The following KHDRBS2 variants were observed in gnomAD, a reference collection of about 807,000 sequenced individuals.
The protein encoded by KHDRBS2 is KH RNA binding domain containing, signal transduction associated 2, also known as KH domain-containing, RNA-binding, signal transduction-associated protein 2.
In KHDRBS2, 26 loss-of-function variants were observed where a neutral mutation model predicts 44.3. That is an observed-to-expected ratio of 0.59 (90% CI 0.43 to 0.81). KHDRBS2 has a LOEUF of 0.81. Ranked by LOEUF, KHDRBS2 falls within the 40% of genes least tolerant of loss-of-function variation. The pLI, the probability that KHDRBS2 is intolerant of heterozygous loss-of-function variation, is 0.00. For synonymous variants in KHDRBS2, 194 were observed against 151.1 expected, an observed-to-expected ratio of 1.28 and a Z score of -2.08; for missense variants, 476 against 433.1, an observed-to-expected ratio of 1.10 and a Z score of -0.88.
chr6:61,719,913 T>G (rs1052405317), intron 7 of KHDRBS2, among the ~76,000 whole-genome samples: 3 of 152,140 alleles, frequency 2.0e-5, no homozygotes, highest in African/African-American at 7.2e-5. Flanking sequence ...CATCTCCCAG[T>G]GCTATGCCTC....
intron 4 of KHDRBS2, among the ~76,000 whole-genome samples, chr6:61,939,608 TGAA>T (rs1190994211): frequency 4.6e-5 from 7 of 152,194 alleles, no homozygotes; most frequent in Admixed American, 2.0e-4. Flanking sequence ...GGAACTTGGA[TGAA>T]GAAGAAGTGG....
At chr6:62,044,769 A>G (rs1275316499) in intron 3 of KHDRBS2, among the ~76,000 whole-genome samples, 3 of 152,048 alleles carry the variant, frequency 2.0e-5, no homozygotes, top group African/African-American at 7.2e-5. Context: ...TGCATGTTGA[A>G]CTTCTTAATA....
chr6:61,793,637 G>C (rs998598384), intron 6 of KHDRBS2, among the ~76,000 whole-genome samples: 1 of 151,846 alleles, frequency 6.6e-6, no homozygotes, highest in African/African-American at 2.4e-5. Flanking sequence ...GGGAGTCTAT[G>C]GGGGTATGTT....
At chr6:61,964,731 A>C (rs1280053107) in intron 4 of KHDRBS2, among the ~76,000 whole-genome samples, 1 of 152,096 alleles carries the variant, frequency 6.6e-6, no homozygotes, top group Non-Finnish European at 1.5e-5. Context: ...CTAGATTTCA[A>C]GTGATTCTGA....
At chr6:61,562,501 T>C in the KHDRBS2 span, among the ~76,000 whole-genome samples, 1 of 152,192 alleles carries the variant, frequency 6.6e-6, no homozygotes, top group African/African-American at 2.4e-5. Context: ...CCCCTTTTTC[T>C]TAGAGTTTTT....
At chr6:61,906,708 G>A (rs562521713) in intron 4 of KHDRBS2, among the ~76,000 whole-genome samples, 24 of 151,942 alleles carry the variant, frequency 1.6e-4, no homozygotes, top group Admixed American at 4.6e-4. Context: ...TTCCATCTAC[G>A]TTGTTGCAAA....
At chr6:61,857,732 A>G (rs1244350105) in intron 6 of KHDRBS2, among the ~76,000 whole-genome samples, 2 of 151,910 alleles carry the variant, frequency 1.3e-5, no homozygotes, top group African/African-American at 2.4e-5. Flanking sequence ...CATAAACCTC[A>G]AGCAGGGCAA....
At chr6:62,124,727 G>T (rs1042207701) in intron 2 of KHDRBS2, among the ~76,000 whole-genome samples, 2 of 151,832 alleles carry the variant, frequency 1.3e-5, no homozygotes, top group African/African-American at 2.4e-5. Flanking sequence ...TATTTTATAT[G>T]ATTTCTTTTC....
chr6:61,706,952 AC>A (rs1561999385), intron 7 of KHDRBS2, among the ~76,000 whole-genome samples: 11 of 109,506 alleles, frequency 1.0e-4, no homozygotes, highest in South Asian at 4.9e-4. Flanking sequence ...AAAAACAAAA[AC>A]AAAAACAAAA....
chr6:62,232,028 T>C (rs184209370), intron 1 of KHDRBS2, among the ~76,000 whole-genome samples: 20 of 152,306 alleles, frequency 1.3e-4, no homozygotes, highest in Admixed American at 9.8e-4. Flanking sequence ...ATGTTACTCA[T>C]TTGCTGTACT....
chr6:62,052,598 T>TG (rs1789316933), intron 2 of KHDRBS2, among the ~76,000 whole-genome samples: 1 of 2,192 alleles, frequency 4.6e-4, no homozygotes, highest in African/African-American at 1.5e-3. Flanking sequence ...ATTTTTCCAC[T>TG]GGTGGGGTGG....
intron 2 of KHDRBS2, among the ~76,000 whole-genome samples, chr6:62,104,360 T>A (rs1474306250): frequency 1.3e-5 from 2 of 152,282 alleles, no homozygotes; most frequent in Admixed American, 1.3e-4. Context: ...GTTACATATG[T>A]ATACATGTGC....
chr6:61,856,688 A>G (rs549780812), intron 6 of KHDRBS2, among the ~76,000 whole-genome samples: 17 of 151,870 alleles, frequency 1.1e-4, no homozygotes, highest in Non-Finnish European at 2.1e-4. Flanking sequence ...CAGGTTACTG[A>G]GTTGGTATGT....
chr6:61,615,351 A>T, the KHDRBS2 span, among the ~76,000 whole-genome samples: 1 of 152,128 alleles, frequency 6.6e-6, no homozygotes, highest in Non-Finnish European at 1.5e-5. Flanking sequence ...CATTAAATAA[A>T]TATTATTATT....
At chr6:61,771,269 G>C (rs1157722463) in intron 6 of KHDRBS2, among the ~76,000 whole-genome samples, 1 of 151,942 alleles carries the variant, frequency 6.6e-6, no homozygotes, top group Non-Finnish European at 1.5e-5. Flanking sequence ...TAGGAAGAAA[G>C]TGCATCAACT....
chr6:62,041,569 A>T (rs1054992887), intron 3 of KHDRBS2, among the ~76,000 whole-genome samples: 1 of 152,114 alleles, frequency 6.6e-6, no homozygotes, highest in African/African-American at 2.4e-5. Context: ...CTTCTAGGGA[A>T]ATAAGGGTAC....
intron 1 of KHDRBS2, among the ~76,000 whole-genome samples, chr6:62,230,248 G>A (rs568117967): frequency 1.3e-5 from 2 of 152,212 alleles, no homozygotes; most frequent in East Asian, 1.9e-4. Flanking sequence ...ATAGTTTCAG[G>A]TTAATTCTGA....
intron 2 of KHDRBS2, among the ~76,000 whole-genome samples, chr6:62,164,054 T>C (rs1818185651): frequency 6.6e-6 from 1 of 151,946 alleles, no homozygotes; most frequent in African/African-American, 2.4e-5. Flanking sequence ...AGACAAAATC[T>C]GAATGTGGTT....
At chr6:61,668,540 G>C in the KHDRBS2 span, among the ~76,000 whole-genome samples, 1 of 150,912 alleles carries the variant, frequency 6.6e-6, no homozygotes, top group African/African-American at 2.4e-5. Flanking sequence ...TCACTGTAAA[G>C]GGAATGCATA....
Sources: allele counts gnomAD v4.1 joint callset (sites outside exome capture counted in the v4.1 genomes callset), GRCh38; gene constraint gnomAD v4.1.1; transcripts MANE v1.5; gene names NCBI Gene and HGNC (gene_info 2026-07-23, HGNC 2026-07-21).